The following NDUFA10 variants were observed in gnomAD, a reference collection of about 807,000 sequenced individuals.
NDUFA10 encodes NADH:ubiquinone oxidoreductase subunit A10, also known as NADH dehydrogenase [ubiquinone] 1 alpha subcomplex subunit 10, mitochondrial.
NDUFA10 carries 40 observed loss-of-function variants against 47.8 expected under a neutral mutation model. The observed-to-expected ratio is 0.84, with a 90% CI of 0.65 to 1.09. The LOEUF (loss-of-function observed/expected upper bound fraction) is 1.09. NDUFA10 is among the 50% of genes least tolerant of loss of function. The pLI, the probability that NDUFA10 is intolerant of heterozygous loss-of-function variation, is 0.00. For synonymous variants in NDUFA10, 183 were observed against 172.2 expected (o/e 1.06, Z -0.49); for missense variants, 413 against 451.1 (o/e 0.92, Z 0.76).
At chr2:239,965,502 G>A (rs948666510) in intron 9 of NDUFA10, among the ~76,000 whole-genome samples, 7 of 152,156 alleles carry the variant, frequency 4.6e-5, no homozygotes, top group Non-Finnish European at 1.0e-4. Flanking sequence ...CCGTTCCCTC[G>A]CAGGGCAGCC....
Position 239,902,758 on chromosome 2 carries a change from G to A in NDUFA10, c.295-7444C>T, listed in dbSNP as rs80332230. On this transcript the variant is annotated intron_variant, in intron 4 of 5. Transcript: ENST00000419408. ...TAGGCAAAGGTAATTTGGTGACACC[G>A]TTTAGTGGCAGGGTGGTTCCTGAGG... is the stretch of plus-strand genomic sequence containing the variant. Among the ~76,000 whole-genome samples the A allele has an allele frequency of 1.8e-3, 268 of 152,258 alleles. 4 individuals carry two copies. In the East Asian group the frequency reaches 0.027, roughly 16 times the overall value.
At chr2:239,914,388 CACAT>C (rs1384001136) in intron 4 of NDUFA10, among the ~76,000 whole-genome samples, 9 of 150,322 alleles carry the variant, frequency 6.0e-5, no homozygotes, top group Non-Finnish European at 1.2e-4. Context: ...ACAAAACACA[CACAT>C]ACATACACAG....
chr2:240,018,382 G>A, intron 4 of NDUFA10, 171 bp downstream of exon 4: 1 of 1,533,388 alleles, frequency 6.5e-7, no homozygotes, highest in Non-Finnish European at 8.8e-7. Flanking sequence ...GAGGGAGAAA[G>A]GGTGGAAGAT....
chr2:239,959,740 A>AGAAGGAGG lies in NDUFA10; in HGVS notation c.*1370_*1377dup. On this transcript the variant is annotated 3_prime_UTR_variant, in exon 10 of 10. Transcript: ENST00000252711. Reference sequence around the variant, plus strand: ...ACAAGGACAGACGGAAGGAAGGAAGAGAAGGAGGGAAGGAAAGAGGCAGGG... The same window carrying AGAAGGAGG: ...ACAAGGACAGACGGAAGGAAGGAAGAGAAGGAGGGAAGGAGGGAAGGAAAGAGGCAGGG... 1.4e-6 allele frequency: 1 copy of AGAAGGAGG among 704,298 alleles called. No individual in the cohort carries two copies. Among genetic ancestry groups the AGAAGGAGG allele is most frequent in the Non-Finnish European group, 1.7e-6 (1 of 576,388 alleles). The allele number at this position is 704,298 out of a possible 1,614,324, so 43.6% of individuals were successfully genotyped here.
At chr2:240,021,915 C>T (rs1697638171) in intron 2 of NDUFA10, among the ~76,000 whole-genome samples, 1 of 152,116 alleles carries the variant, frequency 6.6e-6, no homozygotes, top group African/African-American at 2.4e-5. Flanking sequence ...CTTACACTGC[C>T]CACATAAAAT....
chr2:239,992,990 AATAAACACAATTGAT>A (rs1696314636), intron 8 of NDUFA10, among the ~76,000 whole-genome samples: 1 of 152,234 alleles, frequency 6.6e-6, no homozygotes, highest in Admixed American at 6.5e-5. Flanking sequence ...CTCAAATGAA[AATAAACACAATTGAT>A]ATTGTAAACT....
chr2:239,990,806 ATATT>A (rs1402869411), intron 8 of NDUFA10, among the ~76,000 whole-genome samples: 3 of 152,224 alleles, frequency 2.0e-5, no homozygotes, highest in African/African-American at 7.2e-5. Flanking sequence ...GAATGTTAAA[ATATT>A]TATACTTTGT....
chr2:240,015,334 T>C (rs1403250969), intron 4 of NDUFA10, among the ~76,000 whole-genome samples: 2 of 152,280 alleles, frequency 1.3e-5, no homozygotes, highest in African/African-American at 4.8e-5. Flanking sequence ...ATATTCCATA[T>C]ACTTGCAGTA....
intron 9 of NDUFA10, chr2:239,983,719 T>C (rs778645559): frequency 1.6e-5 from 25 of 1,563,838 alleles, no homozygotes; most frequent in Admixed American, 1.1e-4. Flanking sequence ...ATCTAATCGC[T>C]AGAGAAACAT....
chr2:240,014,638 G>A, intron 5 of NDUFA10, 101 bp downstream of exon 5: 1 of 1,548,404 alleles, frequency 6.5e-7, no homozygotes, highest in Non-Finnish European at 8.9e-7. Context: ...CTCCTCGTGA[G>A]GACTGGTAGG....
At chr2:239,983,467 C>T (rs1695867952) in intron 9 of NDUFA10, 3 of 1,529,254 alleles carry the variant, frequency 2.0e-6, no homozygotes, top group Admixed American at 4.1e-5. Flanking sequence ...TAATATCAAG[C>T]AACCGAATTT....
intron 4 of NDUFA10, among the ~76,000 whole-genome samples, chr2:239,916,556 T>G (rs921708026): frequency 6.6e-6 from 1 of 152,214 alleles, no homozygotes; most frequent in African/African-American, 2.4e-5. Flanking sequence ...AAAGACCACA[T>G]CCTCATCTGC....
chr2:239,978,842 G>A (rs1373141754), intron 9 of NDUFA10, among the ~76,000 whole-genome samples: 2 of 152,168 alleles, frequency 1.3e-5, no homozygotes, highest in African/African-American at 2.4e-5. Context: ...CCACCTGTAG[G>A]TGATTTGGGG....
intron 4 of NDUFA10, among the ~76,000 whole-genome samples, chr2:239,944,829 A>G (rs1694417567): frequency 6.6e-6 from 1 of 152,098 alleles, no homozygotes; most frequent in Non-Finnish European, 1.5e-5. Flanking sequence ...CCTTGGGGCC[A>G]TAGTAACTTT....
chr2:239,927,518 T>G (rs1371035203), intron 4 of NDUFA10, among the ~76,000 whole-genome samples: 3 of 152,198 alleles, frequency 2.0e-5, no homozygotes, highest in Non-Finnish European at 4.4e-5. Context: ...GACCTAACGG[T>G]GCAGTCCTCA....
intron 8 of NDUFA10, among the ~76,000 whole-genome samples, chr2:239,995,749 C>T (rs1696446965): frequency 6.6e-6 from 1 of 152,154 alleles, no homozygotes; most frequent in Non-Finnish European, 1.5e-5. Flanking sequence ...GGAAAAAAGA[C>T]ACACCATGCC....
At chr2:239,897,253 T>G (rs1282074559) in intron 4 of NDUFA10, among the ~76,000 whole-genome samples, 1 of 152,242 alleles carries the variant, frequency 6.6e-6, no homozygotes, top group Non-Finnish European at 1.5e-5. Flanking sequence ...CTCTATACAT[T>G]GCAGTAGCTA....
intron 8 of NDUFA10, among the ~76,000 whole-genome samples, chr2:240,000,432 T>C (rs1696656619): frequency 6.6e-6 from 1 of 152,084 alleles, no homozygotes; most frequent in South Asian, 2.1e-4. Context: ...AAATAAATAA[T>C]TTTAAAAATC....
chr2:239,976,170 G>A (rs1695508508), intron 9 of NDUFA10, among the ~76,000 whole-genome samples: 1 of 152,126 alleles, frequency 6.6e-6, no homozygotes, highest in Admixed American at 6.5e-5. Flanking sequence ...TTCCAGGCTT[G>A]GTTACATAAC....
Sources: allele counts gnomAD v4.1 joint callset (sites outside exome capture counted in the v4.1 genomes callset), GRCh38; gene constraint gnomAD v4.1.1; transcripts MANE v1.5; gene names NCBI Gene and HGNC (gene_info 2026-07-23, HGNC 2026-07-21).